The following HS3ST2 variants were observed in gnomAD, a reference collection of about 807,000 sequenced individuals.
HS3ST2 encodes heparan sulfate glucosamine 3-O-sulfotransferase 2.
Under a neutral mutation model 26.3 loss-of-function variants are expected in HS3ST2, and 17 were observed. The observed-to-expected ratio is 0.65, with a 90% CI of 0.44 to 0.97. HS3ST2 has a LOEUF of 0.97. Ranked by LOEUF, HS3ST2 falls within the 50% of genes least tolerant of loss-of-function variation. HS3ST2 has a pLI of 0.00. For missense variants in HS3ST2, 402 were observed against 501.2 expected (o/e 0.80, Z 1.89); for synonymous variants, 237 against 219.2 (o/e 1.08, Z -0.72).
At chr16:22,910,050 A>AAAG (rs913857340) in intron 1 of HS3ST2, among the ~76,000 whole-genome samples, 3 of 151,694 alleles carry the variant, frequency 2.0e-5, no homozygotes, top group Admixed American at 1.3e-4. Context: ...AAAAAAAAAA[A>AAAG]AAAAGAAAGA....
intron 1 of HS3ST2, among the ~76,000 whole-genome samples, chr16:22,862,065 T>G (rs747271637): frequency 6.6e-6 from 1 of 152,212 alleles, no homozygotes; most frequent in Non-Finnish European, 1.5e-5. Flanking sequence ...GTGAGCTCCA[T>G]GAGTAGGGGT....
intron 1 of HS3ST2, among the ~76,000 whole-genome samples, chr16:22,879,205 C>A (rs1901956334): frequency 6.6e-6 from 1 of 152,166 alleles, no homozygotes; most frequent in Non-Finnish European, 1.5e-5. Flanking sequence ...TCTACACAAC[C>A]CCAAACTCAG....
At chr16:22,906,968 T>C (rs1902364591) in intron 1 of HS3ST2, among the ~76,000 whole-genome samples, 1 of 152,016 alleles carries the variant, frequency 6.6e-6, no homozygotes, top group South Asian at 2.1e-4. Context: ...AACTAACAAT[T>C]CCCACACAAG....
chr16:22,844,178 A>T (rs145679280), intron 1 of HS3ST2, among the ~76,000 whole-genome samples: 1 of 152,092 alleles, frequency 6.6e-6, no homozygotes, highest in Non-Finnish European at 1.5e-5. Context: ...TGTAAGTGCC[A>T]TATGTCCCAG....
intron 1 of HS3ST2, among the ~76,000 whole-genome samples, chr16:22,817,082 C>T (rs781546745): frequency 6.6e-6 from 1 of 152,106 alleles, no homozygotes; most frequent in Non-Finnish European, 1.5e-5. Context: ...TAGCTGTGAA[C>T]CTTAGAGAGG....
chr16:22,819,157 CTCCT>C lies in HS3ST2; in HGVS notation c.485+4074_485+4077del, dbSNP rs376818662. The stretch of plus-strand genomic sequence containing the variant: ...ATTCCTTCCTTCCTTCCTTCCTTCC[CTCCT>C]TCCTTCCTTCCCTCCTTCCTTCCTC... On this transcript the variant is annotated intron_variant, in intron 1 of 1. Transcript: ENST00000261374. Among the ~76,000 whole-genome samples, 41 of 52,074 alleles carry C rather than the reference CTCCT, an allele frequency of 7.9e-4. 1 individual carries two copies. Among genetic ancestry groups the C allele is most frequent in the Admixed American group, 1.6e-3 (8 of 5,160 alleles). The allele number at this position is 52,074 out of a possible 152,430, so 34.2% of individuals were successfully genotyped here. A position where few individuals can be genotyped will look rare whatever the true frequency, so the allele number is the denominator to read the frequency against.
At chr16:22,848,151 T>C (rs1247842623) in intron 1 of HS3ST2, among the ~76,000 whole-genome samples, 1 of 152,182 alleles carries the variant, frequency 6.6e-6, no homozygotes, top group Non-Finnish European at 1.5e-5. Flanking sequence ...TTAACATGGC[T>C]GCAGCGAAAT....
intron 1 of HS3ST2, among the ~76,000 whole-genome samples, chr16:22,877,261 T>TC (rs1901934175): frequency 6.6e-6 from 1 of 152,172 alleles, no homozygotes; most frequent in Non-Finnish European, 1.5e-5. Flanking sequence ...CTGCAGGCAT[T>TC]CCCCAAAGAG....
At position 22,915,159 on chromosome 16, in the gene HS3ST2, G is replaced by A. The variant is rs1413150633; in HGVS notation, c.701G>A (p.Arg234His). The change falls in exon 2 of 2, where the codon CGC becomes CAC. Residue 234 changes from arginine (R) to histidine (H), a missense_variant. By Grantham distance (29) the Arg-to-His change is conservative. Transcript: ENST00000261374. ...CCGACCTTTGAGGGCCTCTCCTTCC[G>A]CAACCGCACCCTGGGCCTGGTGGAC... ...DIPTFEGLSF[R>H]NRTLGLVDVS... The A allele has an allele frequency of 6.2e-6, 10 of 1,613,922 alleles. No homozygotes were observed. The highest frequency in any genetic ancestry group is 1.3e-5 in the African/African-American group (1 of 74,884).
intron 1 of HS3ST2, among the ~76,000 whole-genome samples, chr16:22,846,323 T>A (rs780380396): frequency 6.6e-6 from 1 of 151,982 alleles, no homozygotes; most frequent in Non-Finnish European, 1.5e-5. Flanking sequence ...TTTATATATA[T>A]GTATATATTA....
intron 1 of HS3ST2, among the ~76,000 whole-genome samples, chr16:22,846,799 T>TA (rs35012150): frequency 1.6e-4 from 24 of 150,900 alleles, no homozygotes; most frequent in Non-Finnish European, 2.5e-4. Context: ...AACCTTAATG[T>TA]AAAAAAAAAT....
chr16:22,841,640 GTGTT>G (rs2141182179), intron 1 of HS3ST2, among the ~76,000 whole-genome samples: 1 of 152,104 alleles, frequency 6.6e-6, no homozygotes, highest in African/African-American at 2.4e-5. Flanking sequence ...TAATTATACC[GTGTT>G]TGTATCAACC....
chr16:22,868,435 G>A (rs563172813), intron 1 of HS3ST2, among the ~76,000 whole-genome samples: 17 of 146,654 alleles, frequency 1.2e-4, no homozygotes, highest in African/African-American at 4.3e-4. Context: ...AAAAAAGTCT[G>A]GAAGGATCTA....
In HS3ST2 at chr16:22,837,327, T is replaced by G. The variant is rs112840551; in HGVS notation, c.485+22232T>G. Among the ~76,000 whole-genome samples, 1,224 of 151,780 alleles carry G rather than the reference T, an allele frequency of 8.1e-3. 12 individuals carry two copies. The highest frequency in any genetic ancestry group is 0.025 in the African/African-American group (1,041 of 41,404). On this transcript the variant is annotated intron_variant, in intron 1 of 1. Coordinates refer to ENST00000261374, the MANE Select transcript of HS3ST2 (RefSeq NM_006043.2). ...TGAGGAATTAACTGTGCAAAGTGCTTAGAGGAAGGCTGAGCCCATAGCAAG... is the reference window on the plus strand; with the variant it reads ...TGAGGAATTAACTGTGCAAAGTGCTGAGAGGAAGGCTGAGCCCATAGCAAG...
chr16:22,825,296 TGG>T (rs1203530731), intron 1 of HS3ST2, among the ~76,000 whole-genome samples: 1 of 152,216 alleles, frequency 6.6e-6, no homozygotes, highest in Non-Finnish European at 1.5e-5. Flanking sequence ...GAAACATCTG[TGG>T]CGCATGAGAG....
intron 1 of HS3ST2, among the ~76,000 whole-genome samples, chr16:22,826,112 G>T (rs1901081884): frequency 6.6e-6 from 1 of 152,182 alleles, no homozygotes; most frequent in South Asian, 2.1e-4. Flanking sequence ...CTAAGCCCTG[G>T]AGAAATGAAG....
intron 1 of HS3ST2, among the ~76,000 whole-genome samples, chr16:22,825,945 C>A (rs1415863841): frequency 6.6e-6 from 1 of 152,192 alleles, no homozygotes; most frequent in Non-Finnish European, 1.5e-5. Context: ...ATCACTTGAA[C>A]CTTGGAGGCA....
intron 1 of HS3ST2, 84 bp downstream of exon 1, chr16:22,815,179 T>C: frequency 6.5e-7 from 1 of 1,537,574 alleles, no homozygotes; most frequent in East Asian, 2.3e-5. Context: ...GTTTTCTCTT[T>C]CTTTTAACCC....
At chr16:22,878,068 G>A (rs1303055244) in intron 1 of HS3ST2, among the ~76,000 whole-genome samples, 1 of 152,184 alleles carries the variant, frequency 6.6e-6, no homozygotes. Flanking sequence ...TGTATTATCA[G>A]AGTCCAGGCT....
Sources: allele counts gnomAD v4.1 joint callset (sites outside exome capture counted in the v4.1 genomes callset), GRCh38; gene constraint gnomAD v4.1.1; transcripts MANE v1.5; gene names NCBI Gene and HGNC (gene_info 2026-07-23, HGNC 2026-07-21).